The following ZNF609 variants were observed in gnomAD, a reference collection of about 807,000 sequenced individuals.
ZNF609 encodes the protein zinc finger protein 609.
In ZNF609, 11 loss-of-function variants were observed where a neutral mutation model predicts 109.5. The observed-to-expected ratio is 0.10, with a 90% CI of 0.06 to 0.17. The LOEUF (loss-of-function observed/expected upper bound fraction) is 0.17, where lower values mean the gene tolerates loss of function less well. Ranked by LOEUF, ZNF609 falls within the 10% of genes least tolerant of loss-of-function variation. The pLI, the probability that ZNF609 is intolerant of heterozygous loss-of-function variation, is 1.00. For synonymous variants in ZNF609, 646 were observed against 662.0 expected (o/e 0.98, Z 0.37); for missense variants, 1,559 against 1,772.4 (o/e 0.88, Z 2.16).
At chr15:64,626,083 CGTT>C (rs1895958603) in intron 3 of ZNF609, among the ~76,000 whole-genome samples, 1 of 151,814 alleles carries the variant, frequency 6.6e-6, no homozygotes, top group Non-Finnish European at 1.5e-5. Flanking sequence ...AGATCAGTCT[CGTT>C]GTCTAAATCT....
intron 2 of ZNF609, chr15:64,592,856 T>A: frequency 1.8e-6 from 1 of 561,416 alleles, no homozygotes; most frequent in Non-Finnish European, 3.1e-6. Flanking sequence ...AAAGTTGCAG[T>A]GAGCTGGGAT....
At chr15:64,488,846 G>A (rs1240490634) in intron 1 of ZNF609, among the ~76,000 whole-genome samples, 1 of 152,028 alleles carries the variant, frequency 6.6e-6, no homozygotes, top group Admixed American at 6.6e-5. Context: ...GCCAAGGTGA[G>A]AGGATCTCTT....
At chr15:64,655,870 A>C (rs1471381890) in intron 3 of ZNF609, among the ~76,000 whole-genome samples, 2 of 152,298 alleles carry the variant, frequency 1.3e-5, no homozygotes. Flanking sequence ...AAAAATGTGT[A>C]CATTAAACAT....
At chr15:64,537,830 C>G (rs981437766) in intron 2 of ZNF609, among the ~76,000 whole-genome samples, 1 of 152,124 alleles carries the variant, frequency 6.6e-6, no homozygotes, top group Non-Finnish European at 1.5e-5. Flanking sequence ...GGCGCGGTGG[C>G]TCTCGCCTGT....
chr15:64,577,703 A>G (rs1247835993), intron 2 of ZNF609, among the ~76,000 whole-genome samples: 1 of 146,076 alleles, frequency 6.8e-6, no homozygotes, highest in East Asian at 2.0e-4. Flanking sequence ...ATATATATAA[A>G]GAAAACAAGG....
rs1344507283 is a variant in ZNF609 at position 64,685,868 on chromosome 15, A to C, written c.*4182A>C. On this transcript the variant is annotated 3_prime_UTR_variant, in exon 10 of 10. Coordinates refer to ENST00000326648, the MANE Select transcript of ZNF609 (RefSeq NM_015042.2). ...TTATGGGTCAAGAGTATTTGATCAGAATTTTAAAGGGTGGTATACTCTGAA... is the reference window on the plus strand; with the variant it reads ...TTATGGGTCAAGAGTATTTGATCAGCATTTTAAAGGGTGGTATACTCTGAA... 6.6e-6 allele frequency: 1 copy of C among 152,154 alleles called. No individual in the cohort carries two copies. The highest frequency in any genetic ancestry group is 6.5e-5 in the Admixed American group (1 of 15,272). 9.4% of individuals were successfully genotyped at this position (152,154 alleles called of 1,614,324 possible). A position where few individuals can be genotyped will look rare whatever the true frequency, so the allele number is the denominator to read the frequency against.
chr15:64,675,999 A>T lies in ZNF609; in HGVS notation c.3145A>T (p.Thr1049Ser). 6.2e-7 allele frequency: 1 copy of T among 1,614,054 alleles called. No individual in the cohort carries two copies. The highest frequency in any genetic ancestry group is 1.1e-5 in the South Asian group (1 of 91,074). Residue 1049 changes from threonine to serine, a missense_variant, in exon 5 of 10, where the codon ACT becomes TCT. By Grantham distance (58) the Thr-to-Ser change is moderately conservative. Transcript: ENST00000326648. ...EWKQKPSIPP[T>S]LTKAPSLTDL... ...GAAGCAAAAGCCGTCAATTCCACCAACTCTCACCAAGGCCCCCAGCCTGAC... is the reference window on the plus strand; with the variant it reads ...GAAGCAAAAGCCGTCAATTCCACCATCTCTCACCAAGGCCCCCAGCCTGAC...
intron 2 of ZNF609, among the ~76,000 whole-genome samples, chr15:64,561,141 T>C (rs1251836896): frequency 6.6e-6 from 1 of 152,212 alleles, no homozygotes; most frequent in East Asian, 1.9e-4. Context: ...TGGTTGTTCC[T>C]CCCCAGTACT....
chr15:64,628,485 C>T (rs1452288523), intron 3 of ZNF609, among the ~76,000 whole-genome samples: 1 of 151,508 alleles, frequency 6.6e-6, no homozygotes, highest in Non-Finnish European at 1.5e-5. Flanking sequence ...GGTGAAACCC[C>T]GTCTCTACTA....
intron 1 of ZNF609, among the ~76,000 whole-genome samples, chr15:64,478,025 G>A: frequency 6.6e-6 from 1 of 152,126 alleles, no homozygotes; most frequent in East Asian, 1.9e-4. Flanking sequence ...TGTAGCTGAG[G>A]ATATATTGGG....
At chr15:64,461,801 G>T (rs1892945182) in intron 1 of ZNF609, among the ~76,000 whole-genome samples, 1 of 152,128 alleles carries the variant, frequency 6.6e-6, no homozygotes, top group Non-Finnish European at 1.5e-5. Flanking sequence ...AGAGCCTAAG[G>T]GGTTGAGGAG....
At chr15:64,634,661 C>T (rs530841829) in intron 3 of ZNF609, among the ~76,000 whole-genome samples, 1 of 152,292 alleles carries the variant, frequency 6.6e-6, no homozygotes, top group Admixed American at 6.5e-5. Flanking sequence ...CAGTACTCAC[C>T]TAGAGGAGAG....
chr15:64,611,008 T>G (rs1172665016), intron 2 of ZNF609, among the ~76,000 whole-genome samples: 5 of 152,160 alleles, frequency 3.3e-5, no homozygotes, highest in Non-Finnish European at 7.3e-5. Flanking sequence ...AATTTTGCAT[T>G]TTGTTTGCTT....
intron 3 of ZNF609, among the ~76,000 whole-genome samples, chr15:64,636,007 G>C (rs1896168118): frequency 6.6e-6 from 1 of 152,162 alleles, no homozygotes; most frequent in Non-Finnish European, 1.5e-5. Context: ...AATTTCACCA[G>C]GATAGGGTGG....
intron 8 of ZNF609, 109 bp from the exon 9 acceptor site, chr15:64,681,200 C>A: frequency 1.1e-6 from 1 of 934,866 alleles, no homozygotes; most frequent in South Asian, 1.5e-5. Context: ...GCAAATATAT[C>A]TGGCTGAGTA....
intron 2 of ZNF609, among the ~76,000 whole-genome samples, chr15:64,574,090 C>T (rs573743947): frequency 6.6e-6 from 1 of 152,044 alleles, no homozygotes; most frequent in Admixed American, 6.6e-5. Flanking sequence ...ATTTAGGGGC[C>T]CCTGTTCACT....
intron 1 of ZNF609, among the ~76,000 whole-genome samples, chr15:64,475,400 T>TC (rs889372388): frequency 7.5e-5 from 11 of 146,826 alleles, no homozygotes; most frequent in African/African-American, 2.5e-4. Context: ...GTCTTTTTTT[T>TC]TTTTTTTTTT....
At chr15:64,577,713 G>A (rs1233216480) in intron 2 of ZNF609, among the ~76,000 whole-genome samples, 1 of 147,162 alleles carries the variant, frequency 6.8e-6, no homozygotes, top group South Asian at 2.1e-4. Flanking sequence ...AGAAAACAAG[G>A]TCGGGTATGG....
intron 2 of ZNF609, among the ~76,000 whole-genome samples, chr15:64,590,130 T>C (rs911704890): frequency 1.3e-5 from 2 of 152,198 alleles, no homozygotes; most frequent in African/African-American, 4.8e-5. Context: ...ACTTGCTGAT[T>C]AGAAATCTGA....
Sources: gnomAD v4.1 joint callset for allele counts (sites outside exome capture counted in the v4.1 genomes callset) on GRCh38, gnomAD v4.1.1 for gene constraint, MANE v1.5 for transcripts, NCBI Gene and HGNC (gene_info 2026-07-23, HGNC 2026-07-21) for gene names.